Variants in CHST11 observed in about 807,000 individuals in gnomAD.
CHST11 encodes C4S-1.
Under a neutral mutation model 30.4 loss-of-function variants are expected in CHST11, and 9 were observed. The observed-to-expected ratio is 0.30, with a 90% CI of 0.18 to 0.52. The LOEUF is 0.52. Ranked by LOEUF, CHST11 falls within the 20% of genes least tolerant of loss-of-function variation. CHST11 has a pLI of 0.97. For synonymous variants in CHST11, 152 were observed against 187.8 expected, an observed-to-expected ratio of 0.81 and a Z score of 1.56; for missense variants, 348 against 460.6, an observed-to-expected ratio of 0.76 and a Z score of 2.24.
intron 2 of CHST11, among the ~76,000 whole-genome samples, chr12:104,725,278 T>A (rs150717360): frequency 6.6e-5 from 10 of 152,332 alleles, no homozygotes; most frequent in African/African-American, 2.4e-4. Flanking sequence ...TTTCTTTGCC[T>A]TCCTTTATGA....
intron 1 of CHST11, among the ~76,000 whole-genome samples, chr12:104,507,580 A>G (rs1280635309): frequency 1.3e-5 from 2 of 152,080 alleles, no homozygotes; most frequent in African/African-American, 4.8e-5. Context: ...CCAGCAAACT[A>G]CCTCAGTAGC....
intron 2 of CHST11, among the ~76,000 whole-genome samples, chr12:104,602,739 G>T (rs1379733590): frequency 1.3e-5 from 2 of 152,162 alleles, no homozygotes; most frequent in East Asian, 1.9e-4. Flanking sequence ...ACTAGCAGCA[G>T]CATCAGTGGA....
intron 1 of CHST11, among the ~76,000 whole-genome samples, chr12:104,542,412 G>A (rs2665748): frequency 0.53 from 80,786 of 151,656 alleles, 22,244 homozygotes; most frequent in East Asian, 0.82. Flanking sequence ...ACAATGGACA[G>A]CTATTCATTC....
chr12:104,686,014 G>A (rs903748979), intron 2 of CHST11, among the ~76,000 whole-genome samples: 5 of 152,004 alleles, frequency 3.3e-5, no homozygotes, highest in African/African-American at 1.2e-4. Context: ...ACCACTTGAG[G>A]CCAGGAGTTT....
At chr12:104,733,610 A>G (rs1263099689) in intron 2 of CHST11, among the ~76,000 whole-genome samples, 3 of 152,254 alleles carry the variant, frequency 2.0e-5, no homozygotes, top group African/African-American at 7.2e-5. Flanking sequence ...AAGTAATTGT[A>G]GTTCTTGTCA....
intron 1 of CHST11, among the ~76,000 whole-genome samples, chr12:104,582,582 G>T (rs928921888): frequency 6.6e-6 from 1 of 152,106 alleles, no homozygotes; most frequent in African/African-American, 2.4e-5. Flanking sequence ...CCCTCTGCAC[G>T]CCCTTCTCAT....
At chr12:104,716,529 A>G (rs1336419626) in intron 2 of CHST11, among the ~76,000 whole-genome samples, 1 of 152,266 alleles carries the variant, frequency 6.6e-6, no homozygotes, top group African/African-American at 2.4e-5. Context: ...TCTCGCATCC[A>G]TACCTGTCGT....
intron 2 of CHST11, among the ~76,000 whole-genome samples, chr12:104,689,844 G>A (rs1440460387): frequency 2.6e-5 from 4 of 151,874 alleles, no homozygotes; most frequent in African/African-American, 9.7e-5. Flanking sequence ...GCCCCTGGAT[G>A]CTCTTCCCCA....
intron 2 of CHST11, among the ~76,000 whole-genome samples, chr12:104,707,925 T>G (rs556677581): frequency 6.6e-6 from 1 of 152,184 alleles, no homozygotes; most frequent in African/African-American, 2.4e-5. Flanking sequence ...CATAGACACA[T>G]GCAGGCATGC....
intron 2 of CHST11, among the ~76,000 whole-genome samples, chr12:104,720,016 G>A (rs2040161300): frequency 6.6e-6 from 1 of 152,230 alleles, no homozygotes; most frequent in East Asian, 1.9e-4. Context: ...CTGGTGTCCA[G>A]GCACTTTTCC....
chr12:104,558,204 T>A (rs1308493240), intron 1 of CHST11, among the ~76,000 whole-genome samples: 1 of 152,048 alleles, frequency 6.6e-6, no homozygotes, highest in Non-Finnish European at 1.5e-5. Flanking sequence ...ACGCTGTCCC[T>A]GCTGGTGGGC....
chr12:104,655,271 CGCG>C (rs2136084432), intron 2 of CHST11, among the ~76,000 whole-genome samples: 1 of 152,256 alleles, frequency 6.6e-6, no homozygotes, highest in East Asian at 1.9e-4. Context: ...CCCTGACCTT[CGCG>C]CCGGAGGCGC....
intron 2 of CHST11, among the ~76,000 whole-genome samples, chr12:104,683,747 G>A (rs186634310): frequency 3.9e-5 from 6 of 152,276 alleles, no homozygotes; most frequent in Non-Finnish European, 7.4e-5. Flanking sequence ...TCCCTTGGGC[G>A]CATTGCCGGG....
At chr12:104,712,957 C>A (rs1450349172) in intron 2 of CHST11, among the ~76,000 whole-genome samples, 1 of 151,856 alleles carries the variant, frequency 6.6e-6, no homozygotes, top group Non-Finnish European at 1.5e-5. Context: ...TGCAAGCAAA[C>A]CCCATCCCCC....
intron 2 of CHST11, among the ~76,000 whole-genome samples, chr12:104,637,482 A>G (rs1320017069): frequency 1.3e-5 from 2 of 151,650 alleles, no homozygotes; most frequent in African/African-American, 4.9e-5. Context: ...AACTTAAAGT[A>G]TAATAATAAT....
At chr12:104,481,904 C>A (rs1202962441) in intron 1 of CHST11, among the ~76,000 whole-genome samples, 1 of 141,770 alleles carries the variant, frequency 7.1e-6, no homozygotes, top group Non-Finnish European at 1.5e-5. Flanking sequence ...ATGGTATGAT[C>A]TTGGCTCACT....
At chr12:104,526,446 G>A (rs2038126736) in intron 1 of CHST11, among the ~76,000 whole-genome samples, 1 of 152,164 alleles carries the variant, frequency 6.6e-6, no homozygotes, top group African/African-American at 2.4e-5. Context: ...TTCCTGGGAT[G>A]GTGTTCTTGA....
intron 2 of CHST11, among the ~76,000 whole-genome samples, chr12:104,719,241 G>A (rs1374677024): frequency 6.6e-6 from 1 of 152,194 alleles, no homozygotes; most frequent in East Asian, 1.9e-4. Flanking sequence ...TGCTCAGTGG[G>A]CCAGGGTTGA....
chr12:104,556,895 C>T (rs1027215036), intron 1 of CHST11, among the ~76,000 whole-genome samples: 14 of 151,580 alleles, frequency 9.2e-5, no homozygotes, highest in African/African-American at 2.4e-4. Context: ...GCAGGAGAAT[C>T]GCTTGAACCC....
Sources: allele counts gnomAD v4.1 joint callset (sites outside exome capture counted in the v4.1 genomes callset), GRCh38; gene constraint gnomAD v4.1.1; transcripts MANE v1.5; gene names NCBI Gene and HGNC (gene_info 2026-07-23, HGNC 2026-07-21).